Variants in AQP7 observed in about 807,000 individuals in gnomAD.
AQP7 encodes the protein aquaporin-7.
AQP7 carries 22 observed loss-of-function variants against 26.1 expected under a neutral mutation model. The observed-to-expected ratio is 0.84, with a 90% CI of 0.60 to 1.20. The LOEUF (loss-of-function observed/expected upper bound fraction) is 1.20, where lower values mean the gene tolerates loss of function less well. AQP7 is among the 50% of genes most tolerant of loss of function. The pLI, the probability that AQP7 is intolerant of heterozygous loss-of-function variation, is 0.00. For synonymous variants in AQP7, 167 were observed against 181.7 expected, an observed-to-expected ratio of 0.92 and a Z score of 0.65; for missense variants, 412 against 457.5, an observed-to-expected ratio of 0.90 and a Z score of 0.91.
chr9:33,399,550 G>A (rs1393411638), intron 2 of AQP7, among the ~76,000 whole-genome samples: 3 of 151,790 alleles, frequency 2.0e-5, no homozygotes, highest in African/African-American at 4.8e-5. Context: ...GCAGTGAGCC[G>A]AGATCATGCC....
At chr9:33,398,043 C>G (rs1825976919) in intron 2 of AQP7, among the ~76,000 whole-genome samples, 2 of 152,170 alleles carry the variant, frequency 1.3e-5, no homozygotes, top group Admixed American at 1.3e-4. Context: ...ACTGCCCCAG[C>G]TGAAAGAGTG....
intron 3 of AQP7, among the ~76,000 whole-genome samples, chr9:33,389,432 C>T (rs500278): frequency 0.15 from 22,780 of 152,172 alleles, 1,861 homozygotes; most frequent in Admixed American, 0.17. Context: ...ACCTCAGCCT[C>T]CCAGAGTGCT....
chr9:33,389,977 G>A (rs552061308), intron 3 of AQP7, among the ~76,000 whole-genome samples: 266 of 145,842 alleles, frequency 1.8e-3, no homozygotes, highest in African/African-American at 6.4e-3. Context: ...GCAGTGAGCC[G>A]AGATCACGCC....
At position 33,387,650 on chromosome 9, in the gene AQP7, T is replaced by C. The variant is rs562063250; in HGVS notation, c.145-558A>G. Among the ~76,000 whole-genome samples the C allele has an allele frequency of 4.9e-3, 744 of 152,198 alleles. 9 individuals carry two copies. Among genetic ancestry groups the C allele is most frequent in the African/African-American group, 0.017 (708 of 41,510 alleles). ...TCAGGCGGCATTCCCAAGCTGCTGC[T>C]TCTTGCCCATCCCTCACGGCTCCTC... On this transcript the variant is annotated intron_variant, in intron 3 of 7. Coordinates refer to ENST00000297988, the MANE Select transcript of AQP7 (RefSeq NM_001170.3).
At chr9:33,396,803 T>C (rs1825885332) in intron 2 of AQP7, among the ~76,000 whole-genome samples, 1 of 150,664 alleles carries the variant, frequency 6.6e-6, no homozygotes, top group Non-Finnish European at 1.5e-5. Context: ...TCACACTGCA[T>C]AGTAATTGCT....
intron 3 of AQP7, among the ~76,000 whole-genome samples, chr9:33,387,506 T>C (rs1222354639): frequency 6.6e-6 from 1 of 151,938 alleles, no homozygotes; most frequent in Non-Finnish European, 1.5e-5. Flanking sequence ...CATCCGTGCC[T>C]GACTCTGCCA....
intron 6 of AQP7, 85 bp from the exon 7 acceptor site, chr9:33,385,951 G>T: frequency 6.4e-7 from 1 of 1,558,528 alleles, no homozygotes; most frequent in African/African-American, 1.4e-5. Flanking sequence ...AAGCCCACCA[G>T]CAGAGACACG....
intron 3 of AQP7, among the ~76,000 whole-genome samples, chr9:33,387,842 G>A (rs1825009152): frequency 6.6e-6 from 1 of 152,004 alleles, no homozygotes; most frequent in Admixed American, 6.6e-5. Context: ...CCCACACACT[G>A]GAGTCTCATC....
chr9:33,392,760 G>A (rs1825525209), intron 3 of AQP7, among the ~76,000 whole-genome samples: 1 of 152,206 alleles, frequency 6.6e-6, no homozygotes, highest in South Asian at 2.1e-4. Context: ...AGGTGGGGAG[G>A]TAGGAGAGGA....
In AQP7 at chr9:33,401,237, C is replaced by G. The variant is rs776777658; in HGVS notation, c.26G>C (p.Arg9Pro). The change falls in exon 2 of 8, where the codon CGG (arginine) becomes CCG (proline). Residue 9 changes from arginine (R) to proline (P), a missense_variant and splice_region_variant. By Grantham distance (103) the Arg-to-Pro change is moderately radical. Transcript: ENST00000297988. MVQASGHR[R>P]STRGSKMVSW... ...GGTGAGAAGAGGGTGGGGTACTTAC[C>G]GCCTGTGCCCGGATGCTTGAACCAT... is the stretch of plus-strand genomic sequence containing the variant. The G allele has an allele frequency of 6.5e-7, 1 of 1,549,126 alleles. No individual in the cohort carries two copies. Among genetic ancestry groups the G allele is most frequent in the Non-Finnish European group, 8.7e-7 (1 of 1,146,738 alleles).
chr9:33,391,758 TAAC>T lies in AQP7; in HGVS notation c.144+3317_144+3319del, dbSNP rs550883925. Among the ~76,000 whole-genome samples, 85 of 152,282 alleles carry T rather than the reference TAAC, an allele frequency of 5.6e-4. No individual in the cohort carries two copies. The East Asian group carries it at 0.015, about 27-fold the overall frequency. ...CTTGGCACAGCCTGGCAACTAAAAA[TAAC>T]AACAACACAATGTCCGATATAGGCT... On this transcript the variant is annotated intron_variant, in intron 3 of 7. Coordinates refer to ENST00000297988, the MANE Select transcript of AQP7 (RefSeq NM_001170.3).
rs575033823 is a variant in AQP7 at position 33,392,041 on chromosome 9, C to T, written c.144+3037G>A. Among the ~76,000 whole-genome samples the T allele has an allele frequency of 8.0e-4, 122 of 152,244 alleles. 1 individual carries two copies. The highest frequency in any genetic ancestry group is 3.4e-3 in the Middle Eastern group (1 of 294). On this transcript the variant is annotated intron_variant, in intron 3 of 7. Transcript: ENST00000297988. The stretch of plus-strand genomic sequence containing the variant: ...CAAGACTGTGATACTGGGCCGGGCA[C>T]GGTGACTCATGCCTGTAATCCCAGC...
rs1700418238 is a variant in AQP7 at position 33,386,742 on chromosome 9, T to A, written c.269-201A>T. On this transcript the variant is annotated intron_variant, in intron 4 of 7. Coordinates refer to ENST00000297988, the MANE Select transcript of AQP7 (RefSeq NM_001170.3). ...AGGAAACTGAGGAACACAGAGGCGA[T>A]GGCTTGCCTAAGATGACCCAGCCAG... Among the ~76,000 whole-genome samples, 3 of 152,212 alleles carry A rather than the reference T, an allele frequency of 2.0e-5. No individual in the cohort carries two copies. In the South Asian group the frequency reaches 6.2e-4, roughly 32 times the overall value.
intron 3 of AQP7, among the ~76,000 whole-genome samples, chr9:33,389,170 G>C (rs1237683315): frequency 6.6e-6 from 1 of 152,134 alleles, no homozygotes; most frequent in African/African-American, 2.4e-5. Context: ...TGAGATAATA[G>C]GTGCACGCCA....
In AQP7 at chr9:33,401,450, A is replaced by G. The variant is rs2118887272; in HGVS notation, c.-25-163T>C. The G allele has an allele frequency of 1.3e-5, 8 of 633,876 alleles. No individual in the cohort carries two copies. In the East Asian group the frequency reaches 2.3e-4, roughly 18 times the overall value. 39.3% of individuals were successfully genotyped at this position (633,876 alleles called of 1,614,324 possible). Reference sequence around the variant, plus strand: ...GGGAGGGAGGAGCGGTGCTCAGCCAATGAGGCGACGCCCTGGAGCCCCACC... The same window carrying G: ...GGGAGGGAGGAGCGGTGCTCAGCCAGTGAGGCGACGCCCTGGAGCCCCACC... On this transcript the variant is annotated intron_variant, in intron 1 of 7. Coordinates refer to ENST00000297988, the MANE Select transcript of AQP7 (RefSeq NM_001170.3).
At chr9:33,389,000 G>T (rs968898249) in intron 3 of AQP7, among the ~76,000 whole-genome samples, 5 of 151,300 alleles carry the variant, frequency 3.3e-5, no homozygotes, top group Admixed American at 6.6e-5. Context: ...GGGACTATGG[G>T]CATGTGCCTC....
chr9:33,387,721 T>C (rs1478739136), intron 3 of AQP7, among the ~76,000 whole-genome samples: 1 of 151,948 alleles, frequency 6.6e-6, no homozygotes, highest in East Asian at 1.9e-4. Context: ...TTCAGGCCCA[T>C]TAGCCTCAGT....
intron 3 of AQP7, among the ~76,000 whole-genome samples, chr9:33,390,115 G>A (rs1375915806): frequency 6.6e-6 from 1 of 152,166 alleles, no homozygotes; most frequent in Non-Finnish European, 1.5e-5. Flanking sequence ...TGAGGAGCGG[G>A]GGAGAGAGAA....
chr9:33,390,106 G>A (rs1419494343), intron 3 of AQP7, among the ~76,000 whole-genome samples: 1 of 151,852 alleles, frequency 6.6e-6, no homozygotes, highest in Non-Finnish European at 1.5e-5. Flanking sequence ...GAACTCGCCT[G>A]AGGAGCGGGG....
Sources: allele counts gnomAD v4.1 joint callset (sites outside exome capture counted in the v4.1 genomes callset), GRCh38; gene constraint gnomAD v4.1.1; transcripts MANE v1.5; gene names NCBI Gene and HGNC (gene_info 2026-07-23, HGNC 2026-07-21).